STX8: variants seen among roughly 807,000 people sequenced by gnomAD.
STX8 encodes syntaxin-8.
A neutral mutation model predicts 37.5 loss-of-function variants in STX8; 23 were observed. That is an observed-to-expected ratio of 0.61 (90% CI 0.44 to 0.87). The LOEUF (loss-of-function observed/expected upper bound fraction) is 0.87, where lower values mean the gene tolerates loss of function less well. Ranked by LOEUF, STX8 falls within the 40% of genes least tolerant of loss-of-function variation. The pLI, the probability that STX8 is intolerant of heterozygous loss-of-function variation, is 0.00. For missense variants in STX8, 313 were observed against 284.7 expected (o/e 1.10, Z -0.71); for synonymous variants, 115 against 99.1 (o/e 1.16, Z -0.95).
intron 4 of STX8, among the ~76,000 whole-genome samples, chr17:9,529,973 G>A (rs1397138897): frequency 6.6e-6 from 1 of 151,270 alleles, no homozygotes; most frequent in African/African-American, 2.4e-5. Context: ...CCTGGGCAAC[G>A]TAGCAAGACC....
intron 6 of STX8, among the ~76,000 whole-genome samples, chr17:9,404,437 A>C (rs962664645): frequency 2.0e-5 from 3 of 151,224 alleles, no homozygotes; most frequent in African/African-American, 7.3e-5. Context: ...AGAAGGGTCC[A>C]TGTCATAAAA....
intron 4 of STX8, among the ~76,000 whole-genome samples, chr17:9,525,491 C>T (rs73269667): frequency 0.037 from 5,620 of 151,932 alleles, 378 homozygotes; most frequent in African/African-American, 0.13. Context: ...GGACTACAGG[C>T]GCCCGCCACC....
intron 6 of STX8, among the ~76,000 whole-genome samples, chr17:9,488,907 C>T (rs945751765): frequency 3.3e-5 from 5 of 152,080 alleles, no homozygotes; most frequent in South Asian, 2.1e-4. Context: ...GACAGAGTCT[C>T]GCTCAGTCAC....
chr17:9,412,901 C>T (rs778375053), intron 6 of STX8, among the ~76,000 whole-genome samples: 1 of 151,922 alleles, frequency 6.6e-6, no homozygotes, highest in Non-Finnish European at 1.5e-5. Flanking sequence ...AGAGAAAGGA[C>T]GTAATCAAAG....
At chr17:9,287,907 C>T (rs959841603) in intron 7 of STX8, among the ~76,000 whole-genome samples, 6 of 151,930 alleles carry the variant, frequency 3.9e-5, no homozygotes, top group East Asian at 1.9e-4. Flanking sequence ...AGCACCACCA[C>T]GCCCAGCTAA....
chr17:9,447,093 G>A (rs959756584), intron 6 of STX8, among the ~76,000 whole-genome samples: 7 of 152,138 alleles, frequency 4.6e-5, no homozygotes, highest in African/African-American at 1.2e-4. Flanking sequence ...TTTACCCACC[G>A]TATTCAGGAA....
intron 6 of STX8, among the ~76,000 whole-genome samples, chr17:9,400,436 G>A (rs9890803): frequency 0.23 from 33,530 of 146,036 alleles, 3,944 homozygotes; most frequent in African/African-American, 0.28. Flanking sequence ...ATGGAGTCTC[G>A]CGCTGTCACG....
At chr17:9,519,899 C>T (rs1297895023) in intron 4 of STX8, among the ~76,000 whole-genome samples, 1 of 151,616 alleles carries the variant, frequency 6.6e-6, no homozygotes, top group African/African-American at 2.4e-5. Context: ...TGATCCCTAG[C>T]CCCATCCCCC....
chr17:9,478,246 C>T (rs1378531393), intron 6 of STX8, among the ~76,000 whole-genome samples: 1 of 152,188 alleles, frequency 6.6e-6, no homozygotes, highest in Non-Finnish European at 1.5e-5. Flanking sequence ...AGTGATTCTC[C>T]TACCTCAGCC....
chr17:9,437,749 A>G (rs928333036), intron 6 of STX8: 4 of 152,076 alleles, frequency 2.6e-5, no homozygotes, highest in Non-Finnish European at 1.5e-5. Context: ...TCATACTCTC[A>G]CTTTGCCTTT....
intron 7 of STX8, among the ~76,000 whole-genome samples, chr17:9,300,046 A>G (rs557304023): frequency 1.3e-5 from 2 of 152,274 alleles, no homozygotes; most frequent in South Asian, 2.1e-4. Flanking sequence ...AAATTCCCCA[A>G]TTAGGCAGGG....
chr17:9,279,001 C>T (rs930348324), intron 7 of STX8, among the ~76,000 whole-genome samples: 1 of 152,060 alleles, frequency 6.6e-6, no homozygotes, highest in African/African-American at 2.4e-5. Flanking sequence ...TAATCCCCAT[C>T]ATCACACTGT....
intron 6 of STX8, among the ~76,000 whole-genome samples, chr17:9,405,692 G>A (rs1399260865): frequency 6.6e-6 from 1 of 152,040 alleles, no homozygotes; most frequent in Non-Finnish European, 1.5e-5. Context: ...ACCAGAATTG[G>A]TCACTCACTT....
At chr17:9,573,080 A>AACCCCCCCCCCC (rs1907746427) in intron 1 of STX8, among the ~76,000 whole-genome samples, 1 of 101,578 alleles carries the variant, frequency 9.8e-6, no homozygotes, top group African/African-American at 3.8e-5. Context: ...CACCCCCAAC[A>AACCCCCCCCCCC]CCCCCCCCCA....
At chr17:9,284,206 C>CA (rs1437447769) in intron 7 of STX8, among the ~76,000 whole-genome samples, 1 of 152,142 alleles carries the variant, frequency 6.6e-6, no homozygotes, top group African/African-American at 2.4e-5. Flanking sequence ...ATTTCCTCAG[C>CA]AGGATACAGG....
At chr17:9,285,308 C>A (rs562654457) in intron 7 of STX8, among the ~76,000 whole-genome samples, 1 of 151,108 alleles carries the variant, frequency 6.6e-6, no homozygotes, top group Non-Finnish European at 1.5e-5. Flanking sequence ...ATCTGGTGGA[C>A]GGAAACACTG....
At chr17:9,493,997 TTTTTTG>T (rs796081625) in intron 5 of STX8, among the ~76,000 whole-genome samples, 7 of 63,098 alleles carry the variant, frequency 1.1e-4, no homozygotes, top group South Asian at 1.0e-3. Flanking sequence ...TGTTTTGTTT[TTTTTTG>T]TTTTGTTTTT....
rs998921795 is a variant in STX8 at position 9,575,797 on chromosome 17, G to A, written c.12C>T (p.Asp4=). 12 of 1,542,974 alleles carry A rather than the reference G, an allele frequency of 7.8e-6. No individual in the cohort carries two copies. The highest frequency in any genetic ancestry group is 1.2e-5 in the South Asian group (1 of 83,976). The change falls in exon 1 of 8, where the codon GAC becomes GAT. Residue 4 remains aspartate (D), a synonymous_variant. Coordinates refer to ENST00000306357, the MANE Select transcript of STX8 (RefSeq NM_004853.3). MAP[D]PWFSTYDSTC... is the part of the protein sequence containing the mutation. ...CGCCCTCACCCGGGACTCACCAGGG[G>A]TCCGGTGCCATCCTGCAGACTCCGC...
chr17:9,458,948 A>G (rs1279872877), intron 6 of STX8, among the ~76,000 whole-genome samples: 2 of 151,022 alleles, frequency 1.3e-5, no homozygotes, highest in Admixed American at 1.3e-4. Context: ...TCCTGCCTCA[A>G]CCTCCTGAGT....
Sources: allele counts gnomAD v4.1 joint callset (sites outside exome capture counted in the v4.1 genomes callset), GRCh38; gene constraint gnomAD v4.1.1; transcripts MANE v1.5; gene names NCBI Gene and HGNC (gene_info 2026-07-23, HGNC 2026-07-21).